The following MYT1L variants were observed in gnomAD, a reference collection of about 807,000 sequenced individuals.
MYT1L encodes the protein myelin transcription factor 1 like.
MYT1L carries 12 observed loss-of-function variants against 126.7 expected under a neutral mutation model. The ratio of observed to expected loss-of-function variants is 0.09; its 90% CI spans 0.06 to 0.15. The LOEUF is 0.15. MYT1L is among the 10% of genes least tolerant of loss of function. MYT1L has a pLI of 1.00. For synonymous variants in MYT1L, 541 were observed against 604.2 expected (o/e 0.90, Z 1.53); for missense variants, 979 against 1,585.2 (o/e 0.62, Z 6.49).
In MYT1L at chr2:1,848,972, T is replaced by G. The variant is rs2042865905; in HGVS notation, c.2774+2669A>C. Among the ~76,000 whole-genome samples, 1 of 152,206 alleles carries G rather than the reference T, an allele frequency of 6.6e-6. No individual in the cohort carries two copies. The highest frequency in any genetic ancestry group is 1.5e-5 in the Non-Finnish European group (1 of 68,038). On this transcript the variant is annotated intron_variant, in intron 19 of 24. Coordinates refer to ENST00000647738, the MANE Select transcript of MYT1L (RefSeq NM_001303052.2). The surrounding 1 kb of genome is among the most constrained non-coding windows in gnomAD (Gnocchi z 4.8). Reference sequence around the variant, plus strand: ...TGTCAAACACAAATCACACTTACTTTCCAACTCCATTGACTTAACCCTGGG... The same window carrying G: ...TGTCAAACACAAATCACACTTACTTGCCAACTCCATTGACTTAACCCTGGG...
intron 3 of MYT1L, among the ~76,000 whole-genome samples, chr2:2,067,337 T>C (rs1361194498): frequency 6.6e-6 from 1 of 152,190 alleles, no homozygotes; most frequent in Non-Finnish European, 1.5e-5. Context: ...AAAATACATA[T>C]ATTCCTTAAC....
intron 10 of MYT1L, among the ~76,000 whole-genome samples, chr2:1,919,079 T>C (rs924314726): frequency 2.0e-5 from 3 of 152,216 alleles, no homozygotes; most frequent in Non-Finnish European, 1.5e-5. Context: ...GTATCTATTA[T>C]TCGTCCTTAA....
chr2:1,857,177 T>C (rs1431921478), intron 18 of MYT1L, among the ~76,000 whole-genome samples: 2 of 152,214 alleles, frequency 1.3e-5, no homozygotes, highest in Non-Finnish European at 2.9e-5. Flanking sequence ...TACAGGAGCA[T>C]GACTGCGGGC....
intron 4 of MYT1L, among the ~76,000 whole-genome samples, chr2:2,025,249 C>T (rs1285821224): frequency 6.6e-6 from 1 of 152,130 alleles, no homozygotes; most frequent in Non-Finnish European, 1.5e-5. Context: ...CTCACAGCAG[C>T]GTGCCCCGCC....
intron 2 of MYT1L, among the ~76,000 whole-genome samples, chr2:2,279,348 A>G (rs768759123): frequency 6.6e-6 from 1 of 152,016 alleles, no homozygotes; most frequent in Non-Finnish European, 1.5e-5. Context: ...TACATATCAA[A>G]GAAGTATTAT....
At chr2:1,805,394 T>A (rs2035531705) in intron 22 of MYT1L, among the ~76,000 whole-genome samples, 1 of 152,186 alleles carries the variant, frequency 6.6e-6, no homozygotes, top group Non-Finnish European at 1.5e-5. Context: ...GGGAAGCTGC[T>A]GCGCACTCTT....
At chr2:1,859,489 C>G (rs1196046113) in intron 18 of MYT1L, among the ~76,000 whole-genome samples, 1 of 152,186 alleles carries the variant, frequency 6.6e-6, no homozygotes, top group Non-Finnish European at 1.5e-5. Context: ...AAATGAAACA[C>G]CAAAGTTCTG....
chr2:1,827,246 GCTCT>G (rs1365572509), intron 21 of MYT1L: 5 of 152,372 alleles, frequency 3.3e-5, no homozygotes, highest in East Asian at 3.9e-4. Context: ...GGATGGAAAT[GCTCT>G]CTGTCTCCCT....
chr2:2,158,132 G>A (rs1394553460), intron 3 of MYT1L, among the ~76,000 whole-genome samples: 1 of 151,816 alleles, frequency 6.6e-6, no homozygotes, highest in Non-Finnish European at 1.5e-5. Context: ...ACACAGCCTT[G>A]CAAGACAGGA....
chr2:2,038,699 T>C (rs2067169724), intron 4 of MYT1L, among the ~76,000 whole-genome samples: 1 of 152,088 alleles, frequency 6.6e-6, no homozygotes, highest in Non-Finnish European at 1.5e-5. Context: ...CAGTACACTC[T>C]GGAACCCAAT....
At chr2:2,182,403 G>A (rs569884192) in intron 2 of MYT1L, among the ~76,000 whole-genome samples, 2 of 152,260 alleles carry the variant, frequency 1.3e-5, no homozygotes, top group South Asian at 2.1e-4. Context: ...AGTCACTATT[G>A]ATTAAAAAGA....
At chr2:1,809,405 G>A (rs572736306) in intron 21 of MYT1L, among the ~76,000 whole-genome samples, 5 of 128,922 alleles carry the variant, frequency 3.9e-5, no homozygotes, top group Admixed American at 3.4e-4. Context: ...CTCGGCTGGG[G>A]CTGCCTCTTG....
At chr2:2,161,516 C>T (rs1050458955) in intron 3 of MYT1L, among the ~76,000 whole-genome samples, 5 of 152,206 alleles carry the variant, frequency 3.3e-5, no homozygotes, top group African/African-American at 1.2e-4. Flanking sequence ...TGGGGCTCAG[C>T]CCCACTTGTG....
intron 4 of MYT1L, among the ~76,000 whole-genome samples, chr2:2,028,541 C>T (rs1404942089): frequency 1.3e-5 from 2 of 152,024 alleles, no homozygotes; most frequent in African/African-American, 4.8e-5. Flanking sequence ...CTGAGTTCTG[C>T]ACTTGAAAGG....
chr2:1,901,323 C>T (rs926437446), intron 14 of MYT1L, among the ~76,000 whole-genome samples: 3 of 152,120 alleles, frequency 2.0e-5, no homozygotes, highest in Admixed American at 6.6e-5. Context: ...GATCAAATCC[C>T]GGTAGAACGT....
intron 4 of MYT1L, among the ~76,000 whole-genome samples, chr2:2,006,257 T>C (rs1399073927): frequency 6.6e-6 from 1 of 152,230 alleles, no homozygotes; most frequent in East Asian, 1.9e-4. Flanking sequence ...AAAAAAAATG[T>C]TATCATGTAT....
intron 18 of MYT1L, among the ~76,000 whole-genome samples, chr2:1,857,630 C>T (rs890201953): frequency 4.0e-5 from 6 of 151,772 alleles, no homozygotes; most frequent in Admixed American, 1.3e-4. Flanking sequence ...TTTCTTTATC[C>T]CCCGAATTAA....
intron 3 of MYT1L, among the ~76,000 whole-genome samples, chr2:2,168,465 T>C (rs928323312): frequency 3.9e-5 from 6 of 152,232 alleles, no homozygotes; most frequent in African/African-American, 1.2e-4. Flanking sequence ...CTGCAGGTCC[T>C]TGCACATCAG....
intron 4 of MYT1L, among the ~76,000 whole-genome samples, chr2:2,009,794 T>C (rs972398030): frequency 6.6e-6 from 1 of 152,120 alleles, no homozygotes. Context: ...TGGATCTTAG[T>C]GGCAAAGTTT....
Sources: allele counts gnomAD v4.1 joint callset (sites outside exome capture counted in the v4.1 genomes callset), GRCh38; gene constraint gnomAD v4.1.1; non-coding constraint Gnocchi (gnomAD v3.1); transcripts MANE v1.5; gene names NCBI Gene and HGNC (gene_info 2026-07-23, HGNC 2026-07-21).